Variants in SRGAP2B observed in about 807,000 individuals in gnomAD.
SRGAP2B encodes the protein SLIT-ROBO Rho GTPase activating protein 2B.
In SRGAP2B, 9 loss-of-function variants were observed where a neutral mutation model predicts 22.2. The ratio of observed to expected loss-of-function variants is 0.41; its 90% CI spans 0.24 to 0.71. SRGAP2B has a LOEUF of 0.71. Ranked by LOEUF, SRGAP2B falls within the 30% of genes least tolerant of loss-of-function variation. SRGAP2B has a pLI of 0.35. For missense variants in SRGAP2B, 114 were observed against 235.8 expected (o/e 0.48, Z 3.38); for synonymous variants, 36 against 87.4 (o/e 0.41, Z 3.28).
chr1:145,006,603 T>C (rs1463258389), intron 2 of SRGAP2B, among the ~76,000 whole-genome samples: 1 of 150,484 alleles, frequency 6.6e-6, no homozygotes, highest in African/African-American at 2.5e-5. Flanking sequence ...CAGCAGATCC[T>C]TCAGAATAGA....
intron 2 of SRGAP2B, among the ~76,000 whole-genome samples, chr1:145,072,665 G>A: frequency 1.5e-5 from 2 of 137,086 alleles, no homozygotes; most frequent in Middle Eastern, 7.8e-3. Context: ...GCCAATATCT[G>A]AAATATAATT....
chr1:145,080,954 A>G (rs1352659538), intron 2 of SRGAP2B, among the ~76,000 whole-genome samples: 1 of 149,092 alleles, frequency 6.7e-6, no homozygotes, highest in Admixed American at 6.6e-5. Context: ...AGATGAGAAT[A>G]CCAAGGCATA....
At chr1:144,965,565 C>T (rs1191443658) in intron 3 of SRGAP2B, among the ~76,000 whole-genome samples, 1 of 142,180 alleles carries the variant, frequency 7.0e-6, no homozygotes, top group Non-Finnish European at 1.5e-5. Flanking sequence ...AAACTGGAAA[C>T]TCTAAAACGC....
intron 5 of SRGAP2B, among the ~76,000 whole-genome samples, chr1:144,908,171 T>A (rs1454451331): frequency 4.0e-5 from 6 of 148,482 alleles, no homozygotes; most frequent in African/African-American, 7.7e-5. Context: ...GACCATGGGA[T>A]TCAAAAGCTT....
chr1:145,044,558 G>A (rs1649525267), intron 2 of SRGAP2B, among the ~76,000 whole-genome samples: 1 of 134,930 alleles, frequency 7.4e-6, no homozygotes, highest in African/African-American at 2.9e-5. Flanking sequence ...AAACAAGTCT[G>A]GCAAAATTGA....
At chr1:144,925,669 G>A (rs1292832435) in intron 4 of SRGAP2B, among the ~76,000 whole-genome samples, 1 of 133,962 alleles carries the variant, frequency 7.5e-6, no homozygotes, top group Non-Finnish European at 1.6e-5. Flanking sequence ...GAAAAAAAAA[G>A]GACAGAAAGA....
At chr1:145,001,440 A>G (rs1334361286) in intron 2 of SRGAP2B, among the ~76,000 whole-genome samples, 1 of 149,874 alleles carries the variant, frequency 6.7e-6, no homozygotes, top group Non-Finnish European at 1.5e-5. Context: ...CCTCAAAGTT[A>G]GCAGGGTAGT....
chr1:144,904,770 A>AG (rs1441765314), intron 7 of SRGAP2B, among the ~76,000 whole-genome samples: 1 of 102,488 alleles, frequency 9.8e-6, no homozygotes, highest in Non-Finnish European at 1.8e-5. Flanking sequence ...AGTGGTTATG[A>AG]GCCTGGGTTG....
In SRGAP2B at chr1:145,017,276, A is replaced by T. The variant is rs587745802; in HGVS notation, c.68-22076T>A. ...TGCCAGTATTTTTTAAAGATATGAT[A>T]AAAAAAATGGTTTTAAATTATTTTA... On this transcript the variant is annotated intron_variant, in intron 2 of 9. Coordinates refer to ENST00000612199, the Ensembl canonical transcript of SRGAP2B. Among the ~76,000 whole-genome samples, 62 of 148,596 alleles carry T rather than the reference A, an allele frequency of 4.2e-4. 1 individual carries two copies. The highest frequency in any genetic ancestry group is 6.6e-4 in the African/African-American group (26 of 39,576).
At chr1:144,909,660 TGA>T in intron 5 of SRGAP2B, among the ~76,000 whole-genome samples, 2 of 149,362 alleles carry the variant, frequency 1.3e-5, no homozygotes, top group East Asian at 3.9e-4. Flanking sequence ...GAAGACTAGA[TGA>T]GAGGTTTATT....
At position 144,969,770 on chromosome 1, in the gene SRGAP2B, T is replaced by A. The variant is rs1490377365; in HGVS notation, c.261-14169A>T. Among the ~76,000 whole-genome samples the A allele has an allele frequency of 2.2e-4, 33 of 150,512 alleles. 1 individual carries two copies. The highest frequency in any genetic ancestry group is 7.4e-5 in the Non-Finnish European group (5 of 67,928). On this transcript the variant is annotated intron_variant, in intron 3 of 9. Coordinates refer to ENST00000612199, the Ensembl canonical transcript of SRGAP2B. ...TCTGACAAAGGGCTAATATCCAGAA[T>A]CTACAATGAACTCAAACAAATTTAC...
intron 2 of SRGAP2B, among the ~76,000 whole-genome samples, chr1:145,019,492 G>C (rs1170864210): frequency 1.3e-5 from 1 of 75,366 alleles, no homozygotes; most frequent in African/African-American, 5.9e-5. Context: ...AGCAGACGAA[G>C]GGAAAGGTTG....
intron 2 of SRGAP2B, among the ~76,000 whole-genome samples, chr1:145,080,677 A>G (rs1277536326): frequency 2.7e-5 from 4 of 147,994 alleles, no homozygotes; most frequent in Admixed American, 2.7e-4. Context: ...CAGGCTCCCA[A>G]GTAGCTAAGA....
chr1:144,965,955 G>T lies in SRGAP2B; in HGVS notation c.261-10354C>A, dbSNP rs1373570330. Among the ~76,000 whole-genome samples, 27 of 150,816 alleles carry T rather than the reference G, an allele frequency of 1.8e-4. 3 individuals carry two copies. Among genetic ancestry groups the T allele is most frequent in the African/African-American group, 6.4e-4 (26 of 40,336 alleles). On this transcript the variant is annotated intron_variant, in intron 3 of 9. Coordinates refer to ENST00000612199, the Ensembl canonical transcript of SRGAP2B. ...AGTTTAGAGAAAAAAAGAATAAAAAGAAATGAGCAAAGCCTCCAATAAATA... is the reference window on the plus strand; with the variant it reads ...AGTTTAGAGAAAAAAAGAATAAAAATAAATGAGCAAAGCCTCCAATAAATA...
intron 3 of SRGAP2B, among the ~76,000 whole-genome samples, chr1:144,971,207 C>T (rs1446126473): frequency 6.7e-5 from 10 of 148,400 alleles, no homozygotes; most frequent in South Asian, 2.1e-4. Flanking sequence ...CTCGGCTCAC[C>T]GCAACCTCCG....
At position 144,928,512 on chromosome 1, in the gene SRGAP2B, A is replaced by G. The variant is rs1480517768; in HGVS notation, c.424-13758T>C. Among the ~76,000 whole-genome samples the G allele has an allele frequency of 1.1e-4, 14 of 131,970 alleles. No homozygotes were observed. In the Admixed American group the frequency reaches 1.1e-3, roughly 10 times the overall value. 86.6% of individuals were successfully genotyped at this position (131,970 alleles called of 152,430 possible). The stretch of plus-strand genomic sequence containing the variant: ...GAGTGCAGTGGCGCGATCTCTGCTC[A>G]CTGCAAGCTCCGCCTCCTGGGTTCA... On this transcript the variant is annotated intron_variant, in intron 4 of 9. Transcript: ENST00000612199.
At position 144,940,631 on chromosome 1, in the gene SRGAP2B, T is replaced by A. The variant is rs1665956864; in HGVS notation, c.423+14808A>T. ...CTGGCCAACATGGTGAAACCCCACC[T>A]CTACTAAAAAAACACAAAAAACTTA... On this transcript the variant is annotated intron_variant, in intron 4 of 9. Transcript: ENST00000612199. 2.8e-5 allele frequency among the ~76,000 whole-genome samples: 4 copies of A among 142,402 alleles called. No individual in the cohort carries two copies. In the South Asian group the frequency reaches 8.9e-4, roughly 32 times the overall value. The allele number at this position is 142,402 out of a possible 152,430, so 93.4% of individuals were successfully genotyped here.
chr1:144,938,957 A>G (rs1553606921), intron 4 of SRGAP2B, among the ~76,000 whole-genome samples: 1 of 66,190 alleles, frequency 1.5e-5, no homozygotes, highest in African/African-American at 6.5e-5. Context: ...CCAAGTTTCT[A>G]TTATCCCTCT....
At chr1:144,975,906 G>C (rs1281339451) in intron 3 of SRGAP2B, among the ~76,000 whole-genome samples, 1 of 118,282 alleles carries the variant, frequency 8.5e-6, no homozygotes, top group East Asian at 2.4e-4. Flanking sequence ...TGGAGTCTCG[G>C]TCTGTCACCC....
Sources: gnomAD v4.1 joint callset for allele counts (sites outside exome capture counted in the v4.1 genomes callset) on GRCh38, gnomAD v4.1.1 for gene constraint, MANE v1.5 for transcripts, NCBI Gene and HGNC (gene_info 2026-07-23, HGNC 2026-07-21) for gene names.